Variants in LDB2 observed in about 807,000 individuals in gnomAD.
LDB2 encodes the protein LIM domain-binding protein 2.
Under a neutral mutation model 44.3 loss-of-function variants are expected in LDB2, and 12 were observed. The observed-to-expected ratio is 0.27, with a 90% CI of 0.17 to 0.44. The LOEUF (loss-of-function observed/expected upper bound fraction) is 0.44, where lower values mean the gene tolerates loss of function less well. Ranked by LOEUF, LDB2 falls within the 20% of genes least tolerant of loss-of-function variation. The pLI is 1.00. For synonymous variants in LDB2, 164 were observed against 174.8 expected, an observed-to-expected ratio of 0.94 and a Z score of 0.49; for missense variants, 344 against 473.5, an observed-to-expected ratio of 0.73 and a Z score of 2.54.
intron 1 of LDB2, among the ~76,000 whole-genome samples, chr4:16,760,085 A>G (rs967207914): frequency 3.3e-5 from 5 of 152,190 alleles, no homozygotes; most frequent in Non-Finnish European, 5.9e-5. Context: ...TATTTACAGG[A>G]GGAATCACAT....
intron 1 of LDB2, among the ~76,000 whole-genome samples, chr4:16,855,803 C>T (rs769056143): frequency 4.6e-5 from 7 of 151,952 alleles, no homozygotes; most frequent in South Asian, 4.1e-4. Context: ...TTGGAAGATA[C>T]GCAAAACTAA....
At chr4:16,624,734 C>T (rs942887927) in intron 2 of LDB2, among the ~76,000 whole-genome samples, 2 of 152,140 alleles carry the variant, frequency 1.3e-5, no homozygotes, top group African/African-American at 2.4e-5. Context: ...TGAACCACCA[C>T]CACACCTATC....
chr4:16,770,777 G>A (rs1232667562), intron 1 of LDB2, among the ~76,000 whole-genome samples: 1 of 152,074 alleles, frequency 6.6e-6, no homozygotes, highest in Non-Finnish European at 1.5e-5. Context: ...ATGGAGACAT[G>A]TACTCTCACA....
At chr4:16,705,779 C>A (rs1754473124) in intron 2 of LDB2, among the ~76,000 whole-genome samples, 1 of 152,100 alleles carries the variant, frequency 6.6e-6, no homozygotes, top group African/African-American at 2.4e-5. Flanking sequence ...GTTATTTTCC[C>A]CACTTCCTAG....
Position 16,608,398 on chromosome 4 carries a change from A to C in LDB2, c.236-12523T>G, listed in dbSNP as rs186041050. Among the ~76,000 whole-genome samples, 49 of 152,316 alleles carry C rather than the reference A, an allele frequency of 3.2e-4. No individual in the cohort carries two copies. The East Asian group carries it at 9.3e-3, about 29-fold the overall frequency. ...CAAGAAAAGGAACAACCGTTCCAAC[A>C]GAGAATTAATGTTGCATAGGCTCTC... On this transcript the variant is annotated intron_variant, in intron 2 of 7. Transcript: ENST00000304523.
At chr4:16,604,730 CT>C (rs1723472365) in intron 2 of LDB2, among the ~76,000 whole-genome samples, 3 of 151,792 alleles carry the variant, frequency 2.0e-5, no homozygotes, top group Non-Finnish European at 4.4e-5. Context: ...TGACTTTTTT[CT>C]TTTTAATCCT....
intron 6 of LDB2, among the ~76,000 whole-genome samples, chr4:16,510,564 C>G (rs1432122332): frequency 6.6e-6 from 1 of 152,090 alleles, no homozygotes; most frequent in Non-Finnish European, 1.5e-5. Context: ...ACCTAAAATG[C>G]GTATTCTGGA....
chr4:16,809,989 T>G (rs1273146889), intron 1 of LDB2, among the ~76,000 whole-genome samples: 1 of 152,216 alleles, frequency 6.6e-6, no homozygotes, highest in Non-Finnish European at 1.5e-5. Flanking sequence ...ATTGTCAGTA[T>G]TGACAAACAG....
At chr4:16,830,934 G>A (rs940884611) in intron 1 of LDB2, among the ~76,000 whole-genome samples, 2 of 152,194 alleles carry the variant, frequency 1.3e-5, no homozygotes, top group African/African-American at 2.4e-5. Flanking sequence ...AGCAGAGAGA[G>A]AACCTAGAAG....
chr4:16,677,191 A>T (rs1746565710), intron 2 of LDB2, among the ~76,000 whole-genome samples: 1 of 152,144 alleles, frequency 6.6e-6, no homozygotes, highest in South Asian at 2.1e-4. Flanking sequence ...ACTGGGGAGG[A>T]AGAAGATGAA....
At chr4:16,853,736 A>T (rs1788758325) in intron 1 of LDB2, among the ~76,000 whole-genome samples, 1 of 152,178 alleles carries the variant, frequency 6.6e-6, no homozygotes. Context: ...AGCATCCGTC[A>T]GTGGATGACA....
chr4:16,592,361 C>G (rs1719290948), intron 3 of LDB2, among the ~76,000 whole-genome samples: 1 of 151,654 alleles, frequency 6.6e-6, no homozygotes, highest in African/African-American at 2.4e-5. Context: ...ATGCTTGGAA[C>G]AGCATGCATG....
chr4:16,574,670 G>C (rs1056588139), intron 5 of LDB2, among the ~76,000 whole-genome samples: 1 of 152,178 alleles, frequency 6.6e-6, no homozygotes, highest in East Asian at 1.9e-4. Flanking sequence ...TCAATATAAT[G>C]TAAAAAATAA....
At chr4:16,844,117 C>T (rs1159258296) in intron 1 of LDB2, among the ~76,000 whole-genome samples, 4 of 147,554 alleles carry the variant, frequency 2.7e-5, no homozygotes, top group East Asian at 2.0e-4. Flanking sequence ...ATTAGCTGGG[C>T]GTGGTGGCAC....
intron 2 of LDB2, among the ~76,000 whole-genome samples, chr4:16,668,557 C>T (rs1743923892): frequency 6.6e-6 from 1 of 152,136 alleles, no homozygotes; most frequent in Non-Finnish European, 1.5e-5. Flanking sequence ...TTTCTAACAT[C>T]CCTCCAGCAT....
intron 1 of LDB2, among the ~76,000 whole-genome samples, chr4:16,772,030 G>T (rs917846054): frequency 4.6e-5 from 7 of 152,128 alleles, no homozygotes; most frequent in African/African-American, 1.7e-4. Context: ...GCAGATCTAG[G>T]TTCTTACCTT....
intron 2 of LDB2, among the ~76,000 whole-genome samples, chr4:16,640,036 A>G (rs1295131747): frequency 6.6e-6 from 1 of 152,200 alleles, no homozygotes; most frequent in Non-Finnish European, 1.5e-5. Context: ...CCATCTGTCC[A>G]TCCTTCTGTT....
intron 2 of LDB2, among the ~76,000 whole-genome samples, chr4:16,625,969 A>G (rs1730185802): frequency 6.6e-6 from 1 of 152,004 alleles, no homozygotes; most frequent in Non-Finnish European, 1.5e-5. Flanking sequence ...CACAACCTAT[A>G]TCACTGATTT....
intron 2 of LDB2, among the ~76,000 whole-genome samples, chr4:16,737,752 A>G (rs1762197176): frequency 6.6e-6 from 1 of 152,184 alleles, no homozygotes; most frequent in Non-Finnish European, 1.5e-5. Flanking sequence ...ACAAAGAAAA[A>G]TCAGAAGGGT....
Sources: gnomAD v4.1 joint callset for allele counts (sites outside exome capture counted in the v4.1 genomes callset) on GRCh38, gnomAD v4.1.1 for gene constraint, MANE v1.5 for transcripts, NCBI Gene and HGNC (gene_info 2026-07-23, HGNC 2026-07-21) for gene names.